NLGN1: variants seen among roughly 807,000 people sequenced by gnomAD.
NLGN1 encodes the protein neuroligin 1.
In NLGN1, 12 loss-of-function variants were observed where a neutral mutation model predicts 65.5. That is an observed-to-expected ratio of 0.18 (90% confidence interval 0.12 to 0.30). The LOEUF is 0.30. Among genes scored for constraint, NLGN1 ranks in the 10% least tolerant of loss-of-function variants. The probability of loss-of-function intolerance (pLI) is 1.00; values close to 1 mark genes in which losing one functional copy is unlikely to be tolerated. For missense variants in NLGN1, 750 were observed against 1,007.1 expected (o/e 0.74, Z 3.46); for synonymous variants, 350 against 359.5 (o/e 0.97, Z 0.30).
intron 3 of NLGN1, among the ~76,000 whole-genome samples, chr3:173,735,432 T>A (rs1773591082): frequency 6.6e-6 from 1 of 152,150 alleles, no homozygotes; most frequent in African/African-American, 2.4e-5. Flanking sequence ...CAATTCTTTC[T>A]CACATTTCAG....
intron 4 of NLGN1, among the ~76,000 whole-genome samples, chr3:173,860,663 C>T (rs1175764071): frequency 6.6e-6 from 1 of 152,082 alleles, no homozygotes; most frequent in African/African-American, 2.4e-5. Context: ...TTAGGGAATC[C>T]AGCAGGTAGG....
chr3:173,947,538 A>G (rs774046611), intron 4 of NLGN1, among the ~76,000 whole-genome samples: 1 of 152,192 alleles, frequency 6.6e-6, no homozygotes, highest in Non-Finnish European at 1.5e-5. Context: ...TATTTTTTAA[A>G]TAATTACGCT....
intron 4 of NLGN1, among the ~76,000 whole-genome samples, chr3:174,254,177 C>T (rs1561397033): frequency 6.6e-6 from 1 of 152,094 alleles, no homozygotes; most frequent in Non-Finnish European, 1.5e-5. Context: ...ATTTCAGTTC[C>T]TTGTTTTAGT....
At chr3:173,424,160 A>G (rs11914909) in intron 1 of NLGN1, among the ~76,000 whole-genome samples, 6,250 of 152,210 alleles carry the variant, frequency 0.041, 421 homozygotes, top group African/African-American at 0.14. Flanking sequence ...GAGCAGCTGG[A>G]ATGCAGGGCA....
chr3:174,279,535 G>A lies in NLGN1; in HGVS notation c.1534G>A (p.Val512Ile), dbSNP rs1354524148. Reference sequence around the variant, plus strand: ...AGCCCACGGAGACGAGGTTCCCTATGTACTGGGAATCCCCATGATTGGCCC... The same window carrying A: ...AGCCCACGGAGACGAGGTTCCCTATATACTGGGAATCCCCATGATTGGCCC... The change falls in exon 6 of 7, where the codon GTA becomes ATA. Residue 512 changes from valine to isoleucine, a missense_variant. Coordinates refer to ENST00000457714, the Ensembl canonical transcript of NLGN1. This position sits in a 1 kb window ranked among gnomAD's most constrained non-coding sequence, Gnocchi z 4.7. 1 of 1,613,088 alleles carries A rather than the reference G, an allele frequency of 6.2e-7. No individual in the cohort carries two copies. Among genetic ancestry groups the A allele is most frequent in the South Asian group, 1.1e-5 (1 of 91,062 alleles).
chr3:174,166,513 T>A (rs997226657), intron 4 of NLGN1, among the ~76,000 whole-genome samples: 1 of 152,108 alleles, frequency 6.6e-6, no homozygotes. Flanking sequence ...CGAGTATTGA[T>A]TTCTATTTTT....
At chr3:174,080,671 C>T (rs1381090477) in intron 4 of NLGN1, among the ~76,000 whole-genome samples, 1 of 151,886 alleles carries the variant, frequency 6.6e-6, no homozygotes, top group East Asian at 1.9e-4. Flanking sequence ...TTAGACTCCA[C>T]CATTTTGCCT....
intron 4 of NLGN1, among the ~76,000 whole-genome samples, chr3:174,035,356 C>G (rs1180076323): frequency 6.6e-6 from 1 of 152,048 alleles, no homozygotes; most frequent in Non-Finnish European, 1.5e-5. Flanking sequence ...TCATATAAGC[C>G]TATTCAAAAC....
At chr3:173,427,327 T>G (rs191037794) in intron 1 of NLGN1, among the ~76,000 whole-genome samples, 147 of 152,104 alleles carry the variant, frequency 9.7e-4, no homozygotes, top group African/African-American at 3.4e-3. Flanking sequence ...TTGCTCTGAT[T>G]GTTAGTATTT....
intron 4 of NLGN1, among the ~76,000 whole-genome samples, chr3:174,071,323 A>C (rs1007077040): frequency 2.6e-5 from 4 of 152,148 alleles, no homozygotes; most frequent in Non-Finnish European, 4.4e-5. Flanking sequence ...ATTAGGAAAA[A>C]GGAAGTGAAT....
At chr3:173,608,191 A>T (rs1751693576) in intron 3 of NLGN1, among the ~76,000 whole-genome samples, 1 of 152,030 alleles carries the variant, frequency 6.6e-6, no homozygotes, top group Admixed American at 6.6e-5. Flanking sequence ...CCTGCAATTA[A>T]AGAAAAAAGC....
intron 3 of NLGN1, among the ~76,000 whole-genome samples, chr3:173,806,736 A>G (rs1283108275): frequency 6.6e-6 from 1 of 152,092 alleles, no homozygotes; most frequent in Non-Finnish European, 1.5e-5. Context: ...TGTTATGTTT[A>G]TTTATATATT....
At chr3:173,807,874 A>T in intron 4 of NLGN1, 42 bp downstream of exon 4, 4 of 1,576,718 alleles carry the variant, frequency 2.5e-6, no homozygotes, top group Non-Finnish European at 3.5e-6. Context: ...GAATCCATGA[A>T]GTATGTGATG....
intron 4 of NLGN1, among the ~76,000 whole-genome samples, chr3:173,900,653 T>C (rs1267501700): frequency 6.6e-6 from 1 of 152,046 alleles, no homozygotes; most frequent in Non-Finnish European, 1.5e-5. Flanking sequence ...TACTTAAGAT[T>C]ATCTATTCAA....
intron 4 of NLGN1, among the ~76,000 whole-genome samples, chr3:174,241,500 C>G (rs1412133263): frequency 2.0e-5 from 3 of 149,458 alleles, no homozygotes; most frequent in African/African-American, 7.4e-5. Context: ...ACTTATCCAC[C>G]AATTAAAAAA....
At chr3:174,256,985 G>A (rs1745899897) in intron 4 of NLGN1, among the ~76,000 whole-genome samples, 1 of 152,226 alleles carries the variant, frequency 6.6e-6, no homozygotes, top group Admixed American at 6.5e-5. Context: ...TCTATCAAAT[G>A]GAAGAAAATG....
At chr3:173,863,408 G>T (rs1003692267) in intron 4 of NLGN1, among the ~76,000 whole-genome samples, 1 of 152,154 alleles carries the variant, frequency 6.6e-6, no homozygotes, top group South Asian at 2.1e-4. Flanking sequence ...AGAAATCTTT[G>T]CTTACTTTAG....
chr3:174,146,093 T>TTTCC (rs35623695), intron 4 of NLGN1, among the ~76,000 whole-genome samples: 21,919 of 124,778 alleles, frequency 0.18, 2,224 homozygotes, highest in Admixed American at 0.22. Context: ...ATTCTACTCT[T>TTTCC]TTCCTTCCTT....
intron 3 of NLGN1, among the ~76,000 whole-genome samples, chr3:173,651,978 G>C (rs1209442629): frequency 1.3e-5 from 2 of 152,064 alleles, no homozygotes; most frequent in Admixed American, 1.3e-4. Context: ...TTTTCTAGTA[G>C]AGATGGGATT....
Sources: allele counts gnomAD v4.1 joint callset (sites outside exome capture counted in the v4.1 genomes callset), GRCh38; gene constraint gnomAD v4.1.1; non-coding constraint Gnocchi (gnomAD v3.1); transcripts MANE v1.5; gene names NCBI Gene and HGNC (gene_info 2026-07-23, HGNC 2026-07-21).